The following COG5 variants were observed in gnomAD, a reference collection of about 807,000 sequenced individuals.
COG5 encodes the protein conserved oligomeric Golgi complex subunit 5.
COG5 carries 86 observed loss-of-function variants against 110.4 expected under a neutral mutation model. The observed-to-expected ratio is 0.78, with a 90% CI of 0.65 to 0.93. The LOEUF (loss-of-function observed/expected upper bound fraction) is 0.93. Among genes scored for constraint, COG5 ranks in the 40% least tolerant of loss-of-function variants. The pLI is 0.00. For synonymous variants in COG5, 360 were observed against 334.6 expected (o/e 1.08, Z -0.83); for missense variants, 1,077 against 987.0 (o/e 1.09, Z -1.22).
intron 18 of COG5, among the ~76,000 whole-genome samples, chr7:107,232,234 G>A (rs1036364996): frequency 5.9e-5 from 9 of 152,202 alleles, no homozygotes; most frequent in Non-Finnish European, 1.3e-4. Context: ...GAGCCAGTGT[G>A]CCCAACTCAA....
chr7:107,361,947 TAAG>T, intron 10 of COG5, 83 bp downstream of exon 10: 1 of 844,080 alleles, frequency 1.2e-6, no homozygotes, highest in East Asian at 2.6e-5. Flanking sequence ...AGCCACTCTA[TAAG>T]GTAGTAGTAA....
At chr7:107,421,361 T>A (rs1434191306) in intron 6 of COG5, among the ~76,000 whole-genome samples, 1 of 152,188 alleles carries the variant, frequency 6.6e-6, no homozygotes, top group Non-Finnish European at 1.5e-5. Flanking sequence ...AGGATCTAAT[T>A]GACATCTACA....
chr7:107,520,224 G>A (rs1800228475), intron 6 of COG5, among the ~76,000 whole-genome samples: 1 of 152,148 alleles, frequency 6.6e-6, no homozygotes, highest in Non-Finnish European at 1.5e-5. Flanking sequence ...CATTCCCTTT[G>A]AAAACAGGCA....
intron 6 of COG5, among the ~76,000 whole-genome samples, chr7:107,426,377 G>A (rs1234671624): frequency 1.1e-4 from 16 of 152,096 alleles, no homozygotes; most frequent in Non-Finnish European, 2.1e-4. Flanking sequence ...GGAAAGTGAC[G>A]CAAATGGTGT....
At chr7:107,543,808 C>T (rs1802226826) in intron 5 of COG5, among the ~76,000 whole-genome samples, 1 of 152,190 alleles carries the variant, frequency 6.6e-6, no homozygotes, top group Admixed American at 6.5e-5. Flanking sequence ...TGTGGCCCCA[C>T]ACTCCAACAG....
chr7:107,308,135 C>A (rs762729700), intron 11 of COG5, among the ~76,000 whole-genome samples: 6 of 152,098 alleles, frequency 3.9e-5, no homozygotes, highest in Non-Finnish European at 8.8e-5. Flanking sequence ...GAAACTGGGA[C>A]ATTTGTCCTA....
chr7:107,542,843 G>T (rs994425313), intron 5 of COG5, among the ~76,000 whole-genome samples: 3 of 151,872 alleles, frequency 2.0e-5, no homozygotes, highest in Non-Finnish European at 4.4e-5. Context: ...TGTGGTGGCA[G>T]GTGCCTGTAA....
At chr7:107,205,876 C>T (rs1279466419) in intron 21 of COG5, among the ~76,000 whole-genome samples, 4 of 152,128 alleles carry the variant, frequency 2.6e-5, no homozygotes, top group Non-Finnish European at 5.9e-5. Flanking sequence ...AGGCTGGCTC[C>T]ATGCTCTGGT....
rs536820505 is a variant in COG5 at position 107,443,999 on chromosome 7, T to C, written c.539-31367A>G. On this transcript the variant is annotated intron_variant, in intron 6 of 21. Transcript: ENST00000297135. Reference sequence around the variant, plus strand: ...TCAGATTCAGTTACCTTAACAAAAATGAATTAGACGCCTACCTCAAATAAT... The same window carrying C: ...TCAGATTCAGTTACCTTAACAAAAACGAATTAGACGCCTACCTCAAATAAT... Among the ~76,000 whole-genome samples the C allele has an allele frequency of 2.6e-5, 4 of 152,328 alleles. No homozygotes were observed. The East Asian group carries it at 7.7e-4, about 29-fold the overall frequency.
At chr7:107,336,914 A>C (rs1810748534) in intron 10 of COG5, among the ~76,000 whole-genome samples, 1 of 152,146 alleles carries the variant, frequency 6.6e-6, no homozygotes, top group Non-Finnish European at 1.5e-5. Flanking sequence ...AGAAGGACAA[A>C]TATCCAGAAC....
intron 6 of COG5, among the ~76,000 whole-genome samples, chr7:107,440,386 G>GT (rs1040196160): frequency 8.6e-5 from 13 of 150,848 alleles, no homozygotes; most frequent in African/African-American, 3.2e-4. Flanking sequence ...GTTTTTCTTG[G>GT]TTAAAAAAAA....
At chr7:107,550,467 C>T (rs1802806408) in intron 3 of COG5, among the ~76,000 whole-genome samples, 1 of 152,190 alleles carries the variant, frequency 6.6e-6, no homozygotes, top group Non-Finnish European at 1.5e-5. Context: ...ACCTTATCTA[C>T]GATCCTCTCC....
chr7:107,422,319 A>G (rs1012716316), intron 6 of COG5, among the ~76,000 whole-genome samples: 1 of 152,082 alleles, frequency 6.6e-6, no homozygotes, highest in African/African-American at 2.4e-5. Context: ...TTTTGTTTAC[A>G]TTTTATTTCT....
chr7:107,208,962 T>C (rs1798968673), intron 21 of COG5: 3 of 981,150 alleles, frequency 3.1e-6, no homozygotes, highest in South Asian at 9.4e-5. Context: ...CTTGGGGAGC[T>C]ATAGAGAAAT....
intron 10 of COG5, among the ~76,000 whole-genome samples, chr7:107,359,647 C>G (rs2129045125): frequency 6.6e-6 from 1 of 152,338 alleles, no homozygotes; most frequent in Non-Finnish European, 1.5e-5. Context: ...TCAGCACACC[C>G]TTCCTCCCTT....
rs778380856 is a variant in COG5 at position 107,210,612 on chromosome 7, G to T, written c.2296-7C>A. On this transcript the variant is annotated splice_polypyrimidine_tract_variant and splice_region_variant and intron_variant, in intron 20 of 21. Coordinates refer to ENST00000297135, the MANE Select transcript of COG5 (RefSeq NM_006348.5). ...TGTGGGACCACTCTGCCCTCTGCAGGGTTGAAACACAATTAGAGAGAGTGC... is the reference window on the plus strand; with the variant it reads ...TGTGGGACCACTCTGCCCTCTGCAGTGTTGAAACACAATTAGAGAGAGTGC... 14 of 1,595,164 alleles carry T rather than the reference G, an allele frequency of 8.8e-6. No homozygotes were observed. Among genetic ancestry groups the T allele is most frequent in the Non-Finnish European group, 1.1e-5 (13 of 1,170,060 alleles).
At chr7:107,338,302 T>C (rs753746299) in intron 10 of COG5, among the ~76,000 whole-genome samples, 7 of 152,068 alleles carry the variant, frequency 4.6e-5, no homozygotes, top group Admixed American at 6.5e-5. Flanking sequence ...ACAAGACATA[T>C]AGGCCAATGA....
intron 6 of COG5, among the ~76,000 whole-genome samples, chr7:107,481,528 C>A (rs1797342986): frequency 6.6e-6 from 1 of 152,022 alleles, no homozygotes; most frequent in Non-Finnish European, 1.5e-5. Flanking sequence ...ATATTACACA[C>A]AATCCCATAC....
chr7:107,306,599 G>A (rs1807736596), intron 11 of COG5, among the ~76,000 whole-genome samples: 1 of 152,014 alleles, frequency 6.6e-6, no homozygotes, highest in South Asian at 2.1e-4. Context: ...GTTTTCTATT[G>A]TTTCTCCTCC....
Sources: allele counts gnomAD v4.1 joint callset (sites outside exome capture counted in the v4.1 genomes callset), GRCh38; gene constraint gnomAD v4.1.1; transcripts MANE v1.5; gene names NCBI Gene and HGNC (gene_info 2026-07-23, HGNC 2026-07-21).